Variants in FOXP1 observed in about 807,000 individuals in gnomAD.
FOXP1 encodes forkhead box P1, also known as forkhead box protein P1.
In FOXP1, 15 loss-of-function variants were observed where a neutral mutation model predicts 98.2. The ratio of observed to expected loss-of-function variants is 0.15; its 90% CI spans 0.10 to 0.24. FOXP1 has a LOEUF of 0.24. Among genes scored for constraint, FOXP1 ranks in the 10% least tolerant of loss-of-function variants. The pLI is 1.00. For missense variants in FOXP1, 633 were observed against 848.5 expected (o/e 0.75, Z 3.15); for synonymous variants, 371 against 314.5 (o/e 1.18, Z -1.90).
chr3:71,253,707 G>A (rs912883161), intron 5 of FOXP1, among the ~76,000 whole-genome samples: 33 of 152,082 alleles, frequency 2.2e-4, no homozygotes, highest in Non-Finnish European at 4.6e-4. Flanking sequence ...CCACTAAAAT[G>A]GTACTGGACT....
rs145561465 is a variant in FOXP1 at position 71,428,632 on chromosome 3, C to G, written c.-168+64794G>C. 6.2e-3 allele frequency among the ~76,000 whole-genome samples: 944 copies of G among 152,308 alleles called. 6 individuals are homozygous for G. Among genetic ancestry groups the G allele is most frequent in the Non-Finnish European group, 9.3e-3 (635 of 68,018 alleles). On this transcript the variant is annotated intron_variant, in intron 3 of 20. Transcript: ENST00000649528. ...AGTCCATTGTTCTAAAGAGGCCCCC[C>G]TATGAAATGTCTTTCATGCCCAAGG...
At chr3:71,448,717 A>G (rs2086675002) in intron 3 of FOXP1, among the ~76,000 whole-genome samples, 1 of 152,240 alleles carries the variant, frequency 6.6e-6, no homozygotes, top group East Asian at 1.9e-4. Flanking sequence ...TACAACAAAG[A>G]TAATTCCTGT....
chr3:71,064,744 A>G, intron 7 of FOXP1: 1 of 961,686 alleles, frequency 1.0e-6, no homozygotes, highest in Non-Finnish European at 1.2e-6. Context: ...TGCCTTCCCC[A>G]GCGAGGCCCC....
chr3:71,092,013 C>A (rs1233651228), intron 7 of FOXP1, among the ~76,000 whole-genome samples: 2 of 151,968 alleles, frequency 1.3e-5, no homozygotes, highest in Non-Finnish European at 2.9e-5. Context: ...CATGGTGAAA[C>A]CCCGTCTCTA....
At chr3:71,162,533 G>A (rs751626182) in intron 6 of FOXP1, among the ~76,000 whole-genome samples, 6 of 152,134 alleles carry the variant, frequency 3.9e-5, no homozygotes, top group Admixed American at 6.5e-5. Flanking sequence ...ATATCTATTG[G>A]GTTCCTACTA....
intron 2 of FOXP1, among the ~76,000 whole-genome samples, chr3:71,554,400 C>T (rs1233598860): frequency 6.6e-6 from 1 of 151,956 alleles, no homozygotes; most frequent in African/African-American, 2.4e-5. Flanking sequence ...GTTTAATCAC[C>T]ACAAAATCAA....
chr3:71,365,854 G>A (rs1471671658), intron 3 of FOXP1, among the ~76,000 whole-genome samples: 2 of 152,124 alleles, frequency 1.3e-5, no homozygotes, highest in Non-Finnish European at 2.9e-5. Context: ...GTGGTGGCGT[G>A]TGCCTCTAGT....
intron 3 of FOXP1, among the ~76,000 whole-genome samples, chr3:71,462,275 G>C (rs1156722652): frequency 2.0e-5 from 3 of 152,170 alleles, no homozygotes; most frequent in South Asian, 2.1e-4. Flanking sequence ...TGTTTGAAAG[G>C]CGGGACAGAA....
chr3:71,022,562 T>G (rs2045586243), intron 11 of FOXP1, among the ~76,000 whole-genome samples: 1 of 152,218 alleles, frequency 6.6e-6, no homozygotes, highest in Admixed American at 6.5e-5. Flanking sequence ...ATGTGCTATG[T>G]GGCTTTCTCT....
intron 2 of FOXP1, among the ~76,000 whole-genome samples, chr3:71,552,800 TATC>T (rs1423955894): frequency 6.6e-6 from 1 of 152,020 alleles, no homozygotes; most frequent in Non-Finnish European, 1.5e-5. Context: ...CCAAATAATT[TATC>T]ATCCTAAGAT....
intron 5 of FOXP1, among the ~76,000 whole-genome samples, chr3:71,264,710 A>G (rs536055806): frequency 6.6e-6 from 1 of 152,236 alleles, no homozygotes; most frequent in East Asian, 1.9e-4. Flanking sequence ...CCATTCAACC[A>G]TTATCACCCT....
At chr3:71,460,337 T>G (rs1267792924) in intron 3 of FOXP1, among the ~76,000 whole-genome samples, 5 of 152,122 alleles carry the variant, frequency 3.3e-5, no homozygotes, top group Admixed American at 6.6e-5. Context: ...CCTCCTGGAT[T>G]CAAGCGATTC....
At chr3:71,298,548 C>T (rs192343330) in intron 5 of FOXP1, among the ~76,000 whole-genome samples, 44 of 152,244 alleles carry the variant, frequency 2.9e-4, no homozygotes, top group African/African-American at 9.4e-4. Context: ...GCCTGATAAT[C>T]CCAATTACTG....
intron 2 of FOXP1, among the ~76,000 whole-genome samples, chr3:71,568,807 C>T (rs1045799430): frequency 4.6e-5 from 7 of 152,044 alleles, no homozygotes; most frequent in South Asian, 2.1e-4. Flanking sequence ...CCACCACGCC[C>T]GGCTAATTTT....
chr3:71,397,014 A>ATATACACATATATATGTG (rs1553871510), intron 3 of FOXP1, among the ~76,000 whole-genome samples: 1 of 63,936 alleles, frequency 1.6e-5, no homozygotes, highest in African/African-American at 6.6e-5. Flanking sequence ...ATGTGTATAT[A>ATATACACATATATATGTG]TATATATATA....
chr3:71,064,709 CA>C (rs1410785224), intron 7 of FOXP1: 4 of 722,264 alleles, frequency 5.5e-6, no homozygotes, highest in Middle Eastern at 6.9e-4. Flanking sequence ...TTAAAAGACT[CA>C]ACTTCAGAAC....
At chr3:71,165,896 T>C (rs79615514) in intron 6 of FOXP1, among the ~76,000 whole-genome samples, 2 of 152,318 alleles carry the variant, frequency 1.3e-5, no homozygotes, top group East Asian at 3.9e-4. Context: ...CAAGTAACTG[T>C]GTTGCTGGTG....
chr3:71,486,254 G>A (rs1238317697), intron 3 of FOXP1, among the ~76,000 whole-genome samples: 1 of 151,964 alleles, frequency 6.6e-6, no homozygotes, highest in East Asian at 2.0e-4. Context: ...AATAAGATAA[G>A]CAAGGTGATA....
intron 7 of FOXP1, among the ~76,000 whole-genome samples, chr3:71,061,760 G>C (rs1416185733): frequency 6.6e-6 from 1 of 152,098 alleles, no homozygotes; most frequent in African/African-American, 2.4e-5. Flanking sequence ...TGGTTTTCAG[G>C]TTCTCTTTAG....
Sources: allele counts gnomAD v4.1 joint callset (sites outside exome capture counted in the v4.1 genomes callset), GRCh38; gene constraint gnomAD v4.1.1; transcripts MANE v1.5; gene names NCBI Gene and HGNC (gene_info 2026-07-23, HGNC 2026-07-21).